The following R3HDM4 variants were observed in gnomAD, a reference collection of about 807,000 sequenced individuals.
The protein encoded by R3HDM4 is R3H domain containing 4, also known as R3H domain-containing protein 4.
In R3HDM4, 30 loss-of-function variants were observed where a neutral mutation model predicts 31.3. The ratio of observed to expected loss-of-function variants is 0.96; its 90% CI spans 0.72 to 1.30. The LOEUF is 1.30. Ranked by LOEUF, R3HDM4 falls within the 50% of genes most tolerant of loss-of-function variation. R3HDM4 has a pLI of 0.00. For synonymous variants in R3HDM4, 196 were observed against 156.6 expected, an observed-to-expected ratio of 1.25 and a Z score of -1.88; for missense variants, 444 against 366.1, an observed-to-expected ratio of 1.21 and a Z score of -1.74.
intron 7 of R3HDM4, 24 bp from the exon 8 acceptor site, chr19:897,564 AGAACGGGAGGAATTTGG>A: frequency 6.3e-7 from 1 of 1,581,552 alleles, no homozygotes; most frequent in Non-Finnish European, 8.6e-7. Flanking sequence ...CAGCGGGGCA[AGAACGGGAGGAATTTGG>A]GAGCCGCGGC....
chr19:901,810 G>A, intron 2 of R3HDM4, 166 bp downstream of exon 2: 4 of 861,034 alleles, frequency 4.6e-6, no homozygotes, highest in South Asian at 1.6e-5. Context: ...GGGGGCGCCT[G>A]TGTCTGGCTC....
At chr19:903,653 C>T (rs1475555795) in intron 1 of R3HDM4, among the ~76,000 whole-genome samples, 1 of 152,120 alleles carries the variant, frequency 6.6e-6, no homozygotes, top group Non-Finnish European at 1.5e-5. Flanking sequence ...ACTTTGGGAG[C>T]CCAAGGTGGG....
intron 1 of R3HDM4, among the ~76,000 whole-genome samples, chr19:912,705 G>A (rs1202842903): frequency 7.7e-6 from 1 of 130,356 alleles, no homozygotes; most frequent in Non-Finnish European, 1.7e-5. Flanking sequence ...CGGGAATGGA[G>A]GCGCGGACCA....
intron 1 of R3HDM4, among the ~76,000 whole-genome samples, chr19:905,702 A>T (rs2036895206): frequency 6.6e-6 from 1 of 150,490 alleles, no homozygotes; most frequent in East Asian, 1.9e-4. Flanking sequence ...AAAAAAAAAA[A>T]GTAAGCAAGG....
rs776080439 is a variant in R3HDM4 at position 900,829 on chromosome 19, C to T, written c.475G>A (p.Glu159Lys). The T allele has an allele frequency of 3.9e-6, 6 of 1,539,560 alleles. No homozygotes were observed. In the African/African-American group the frequency reaches 8.5e-5, roughly 22 times the overall value. The change falls in exon 4 of 8, where the codon GAG becomes AAG. Residue 159 changes from glutamate (E) to lysine (K), a missense_variant and splice_region_variant. Transcript: ENST00000361574. ...GPGRGEDRRR[E>K]DPAYTPRECF... ...ATACCCGCCCCAGCCAGGCCCGCAC[C>T]TCTCCTCCGGTCCTCCCCACGGCCA...
chr19:912,950 G>A (rs993859598), intron 1 of R3HDM4, 137 bp downstream of exon 1: 5 of 233,232 alleles, frequency 2.1e-5, no homozygotes, highest in Non-Finnish European at 3.6e-5. Flanking sequence ...CCCGGAAGAT[G>A]AGCAACGGGA....
chr19:905,076 CAT>C (rs2036885250), intron 1 of R3HDM4, among the ~76,000 whole-genome samples: 1 of 152,048 alleles, frequency 6.6e-6, no homozygotes, highest in African/African-American at 2.4e-5. Flanking sequence ...GGCGTGGTGG[CAT>C]GCACCTGTAA....
At chr19:908,998 G>A (rs11881003) in intron 1 of R3HDM4, among the ~76,000 whole-genome samples, 7,629 of 152,230 alleles carry the variant, frequency 0.05, 254 homozygotes, top group South Asian at 0.099. Flanking sequence ...ACCTCCCAAG[G>A]GCTGGTTCAT....
At chr19:903,974 C>T (rs184789706) in intron 1 of R3HDM4, among the ~76,000 whole-genome samples, 5 of 151,956 alleles carry the variant, frequency 3.3e-5, no homozygotes, top group South Asian at 2.1e-4. Flanking sequence ...TGGTGTGAAC[C>T]GGGGAGGCAG....
At chr19:903,502 G>A (rs1382900205) in intron 1 of R3HDM4, among the ~76,000 whole-genome samples, 6 of 151,766 alleles carry the variant, frequency 4.0e-5, no homozygotes, top group South Asian at 2.1e-4. Flanking sequence ...GGAAGCGGGC[G>A]GCGTTTGGGG....
At position 907,358 on chromosome 19, in the gene R3HDM4, C is replaced by G. The variant is rs369069674; in HGVS notation, c.72-5228G>C. Among the ~76,000 whole-genome samples, 13 of 152,234 alleles carry G rather than the reference C, an allele frequency of 8.5e-5. 1 individual carries two copies. In the East Asian group the frequency reaches 9.7e-4, roughly 11 times the overall value. ...TGCCCCAGATTCACCCACAGCCCCCCCTGAGGCCCCGGGGCCTACTTCTCC... is the reference window on the plus strand; with the variant it reads ...TGCCCCAGATTCACCCACAGCCCCCGCTGAGGCCCCGGGGCCTACTTCTCC... On this transcript the variant is annotated intron_variant, in intron 1 of 7. Coordinates refer to ENST00000361574, the MANE Select transcript of R3HDM4 (RefSeq NM_138774.4). The surrounding 1 kb of genome is among the most constrained non-coding windows in gnomAD (Gnocchi z 4.1).
rs1243797426 is a variant in R3HDM4, at chr19:899,637, G to A, written c.611C>T (p.Ser204Phe). The change falls in exon 6 of 8, where the codon TCC (serine) becomes TTC (phenylalanine). Residue 204 changes from serine to phenylalanine, a missense_variant. Transcript: ENST00000361574. The surrounding 1 kb of genome is among the most constrained non-coding windows in gnomAD (Gnocchi z 6.8). ...CATTGCTGTGTACACGGCCTGGGGG[G>A]ACACGGAGAAGAACCGAAGCAGCCG... Reference protein sequence around the residue: ...EERLLRFFSVSPQAVYTAMLD... With the variant: ...EERLLRFFSVFPQAVYTAMLD... 6.2e-7 allele frequency: 1 copy of A among 1,607,972 alleles called. No homozygotes were observed. The highest frequency in any genetic ancestry group is 1.1e-5 in the South Asian group (1 of 90,912).
chr19:897,730 C>G (rs182080196), intron 7 of R3HDM4, among the ~76,000 whole-genome samples, 190 bp from the exon 8 acceptor site: 21 of 152,376 alleles, frequency 1.4e-4, no homozygotes, highest in African/African-American at 4.8e-4. Flanking sequence ...ATACCTAAGG[C>G]TCCCTACAGG....
rs1340529015 is a variant in R3HDM4 at position 899,275 on chromosome 19, A to G, written c.703+165T>C. Reference sequence around the variant, plus strand: ...TATGCAGGGAGCTTCTGGTGAATTCAAGGCAGGGTCCCACTGCCACCCCTG... The same window carrying G: ...TATGCAGGGAGCTTCTGGTGAATTCGAGGCAGGGTCCCACTGCCACCCCTG... On this transcript the variant is annotated intron_variant, in intron 7 of 7. Transcript: ENST00000361574. This position sits in a 1 kb window ranked among gnomAD's most constrained non-coding sequence, Gnocchi z 6.8. 1.3e-5 allele frequency among the ~76,000 whole-genome samples: 2 copies of G among 151,934 alleles called. No homozygotes were observed. The highest frequency in any genetic ancestry group is 2.9e-5 in the Non-Finnish European group (2 of 67,958).
Position 901,565 on chromosome 19 carries a change from T to A in R3HDM4, c.227-19A>T, listed in dbSNP as rs370595341. ...TACTGGGCTAGGTGGAAACAGATGC[T>A]CTCTGGGCCGGGGTGGCATTTGGGG... On this transcript the variant is annotated intron_variant, in intron 2 of 7. Coordinates refer to ENST00000361574, the MANE Select transcript of R3HDM4 (RefSeq NM_138774.4). 3 of 1,591,248 alleles carry A rather than the reference T, an allele frequency of 1.9e-6. No homozygotes were observed. Among genetic ancestry groups the A allele is most frequent in the Non-Finnish European group, 1.7e-6 (2 of 1,171,810 alleles).
rs749395729 is a variant in R3HDM4 at position 899,653 on chromosome 19, G to C, written c.595C>G (p.Arg199Gly). The C allele has an allele frequency of 1.7e-5, 28 of 1,604,342 alleles. No individual in the cohort carries two copies. The highest frequency in any genetic ancestry group is 4.0e-5 in the African/African-American group (3 of 74,522). ...GCCTGGGGGGACACGGAGAAGAACC[G>C]AAGCAGCCGCTCCTCCCAGGTCTCC... Reference protein sequence around the residue: ...TLETWEERLLRFFSVSPQAVY... With the variant: ...TLETWEERLLGFFSVSPQAVY... The change falls in exon 6 of 8, where the codon CGG (arginine) becomes GGG (glycine). Residue 199 changes from arginine to glycine, a missense_variant. Arg to Gly is a moderately radical substitution (Grantham distance 125). Coordinates refer to ENST00000361574, the MANE Select transcript of R3HDM4 (RefSeq NM_138774.4). The surrounding 1 kb of genome is among the most constrained non-coding windows in gnomAD (Gnocchi z 6.8).
rs923037814 is a variant in R3HDM4 at position 899,746 on chromosome 19, G to A, written c.562-60C>T. On this transcript the variant is annotated intron_variant, in intron 5 of 7. Coordinates refer to ENST00000361574, the MANE Select transcript of R3HDM4 (RefSeq NM_138774.4). This position sits in a 1 kb window ranked among gnomAD's most constrained non-coding sequence, Gnocchi z 6.8. ...GGACCTGTGGGTGGGGGGCCAGGGA[G>A]GTCCAGGGCCCCCAGGAGCCCACAG... The A allele has an allele frequency of 2.3e-5, 32 of 1,366,458 alleles. No homozygotes were observed. The highest frequency in any genetic ancestry group is 3.2e-5 in the Non-Finnish European group (32 of 1,015,450). 84.6% of individuals were successfully genotyped at this position (1,366,458 alleles called of 1,614,324 possible).
chr19:897,518 C>T lies in R3HDM4; in HGVS notation c.726G>A (p.Arg242=). Residue 242 remains arginine, a synonymous_variant, in exon 8 of 8, where the codon CGG becomes CGA. Coordinates refer to ENST00000361574, the MANE Select transcript of R3HDM4 (RefSeq NM_138774.4). ...ISASADLEGK[R]QMKVSNRHLD... The stretch of plus-strand genomic sequence containing the variant: ...GGTGCCGATTACTGACCTTCATCTG[C>T]CGCTTCCCCTCCAGGTCAGCACCTG... 1 of 1,612,880 alleles carries T rather than the reference C, an allele frequency of 6.2e-7. No homozygotes were observed. Among genetic ancestry groups the T allele is most frequent in the Middle Eastern group, 1.7e-4 (1 of 6,030 alleles).
rs147884980 is a variant in R3HDM4, at chr19:901,865, C to A, written c.226+111G>T. On this transcript the variant is annotated intron_variant, in intron 2 of 7. Transcript: ENST00000361574. ...CCTACAGCTGACACCTCTTTGGGTC[C>A]CCAGCCCCACCCAGGCACAGCTCAT... 2.7e-3 allele frequency: 3,651 copies of A among 1,371,622 alleles called. 77 individuals carry two copies. In the African/African-American group the frequency reaches 0.046, roughly 17 times the overall value. 85.0% of individuals were successfully genotyped at this position (1,371,622 alleles called of 1,614,324 possible).
Sources: gnomAD v4.1 joint callset for allele counts (sites outside exome capture counted in the v4.1 genomes callset) on GRCh38, gnomAD v4.1.1 for gene constraint, Gnocchi (gnomAD v3.1) non-coding constraint, MANE v1.5 for transcripts, NCBI Gene and HGNC (gene_info 2026-07-23, HGNC 2026-07-21) for gene names.